The following MGRN1 variants were observed in gnomAD, a reference collection of about 807,000 sequenced individuals.
MGRN1 encodes mahogunin ring finger 1.
A neutral mutation model predicts 69.2 loss-of-function variants in MGRN1; 29 were observed. The ratio of observed to expected loss-of-function variants is 0.42; its 90% CI spans 0.31 to 0.57. The LOEUF (loss-of-function observed/expected upper bound fraction) is 0.57. Among genes scored for constraint, MGRN1 ranks in the 20% least tolerant of loss-of-function variants. The pLI is 0.15. For synonymous variants in MGRN1, 470 were observed against 344.2 expected (o/e 1.37, Z -4.04); for missense variants, 998 against 796.2 (o/e 1.25, Z -3.05).
At chr16:4,676,670 G>C (rs2079059774) in intron 10 of MGRN1, among the ~76,000 whole-genome samples, 1 of 152,112 alleles carries the variant, frequency 6.6e-6, no homozygotes, top group Non-Finnish European at 1.5e-5. Context: ...TTGGTGGTTT[G>C]GTGGTTCGGT....
chr16:4,650,178 C>T (rs527336078), intron 1 of MGRN1, 187 bp from the exon 2 acceptor site: 26 of 505,544 alleles, frequency 5.1e-5, no homozygotes, highest in South Asian at 1.8e-4. Flanking sequence ...TGGTGGGTGC[C>T]GGTAATCCCA....
At chr16:4,664,346 G>C in intron 5 of MGRN1, 1 of 312,730 alleles carries the variant, frequency 3.2e-6, no homozygotes, top group Non-Finnish European at 6.0e-6. Flanking sequence ...GGTGGCTGCC[G>C]GGGGCTGGAG....
At chr16:4,642,094 T>G (rs1331778938) in intron 1 of MGRN1, among the ~76,000 whole-genome samples, 1 of 151,282 alleles carries the variant, frequency 6.6e-6, no homozygotes, top group African/African-American at 2.4e-5. Flanking sequence ...CCCTGCACTG[T>G]CATGCATTTC....
At chr16:4,626,989 C>T (rs1014075316) in intron 1 of MGRN1, among the ~76,000 whole-genome samples, 8 of 152,140 alleles carry the variant, frequency 5.3e-5, no homozygotes, top group Non-Finnish European at 1.5e-5. Context: ...GATACTTGTT[C>T]TTCTCTTTGT....
intron 1 of MGRN1, among the ~76,000 whole-genome samples, chr16:4,645,835 C>T (rs2078263151): frequency 6.6e-6 from 1 of 152,044 alleles, no homozygotes; most frequent in African/African-American, 2.4e-5. Flanking sequence ...GGCAGTGGGT[C>T]CAGAAACAAC....
intron 1 of MGRN1, among the ~76,000 whole-genome samples, chr16:4,642,732 GCT>G (rs2078188889): frequency 6.6e-6 from 1 of 151,930 alleles, no homozygotes; most frequent in Non-Finnish European, 1.5e-5. Context: ...CTCCCAAAGT[GCT>G]GGGATTACAG....
intron 12 of MGRN1, among the ~76,000 whole-genome samples, chr16:4,680,879 C>T (rs972003332): frequency 6.6e-6 from 1 of 152,258 alleles, no homozygotes; most frequent in Non-Finnish European, 1.5e-5. Flanking sequence ...CTCGGTCAGG[C>T]AGGCCGGGGT....
chr16:4,637,388 C>T (rs962483898), intron 1 of MGRN1, among the ~76,000 whole-genome samples: 6 of 152,016 alleles, frequency 3.9e-5, no homozygotes, highest in Non-Finnish European at 8.8e-5. Context: ...CAAGATCGCG[C>T]CATTGCACTC....
intron 5 of MGRN1, among the ~76,000 whole-genome samples, chr16:4,662,388 C>T (rs546130093): frequency 6.6e-5 from 10 of 151,938 alleles, no homozygotes; most frequent in Admixed American, 2.0e-4. Flanking sequence ...TGGTGGCGGG[C>T]GCCTATAATC....
intron 1 of MGRN1, among the ~76,000 whole-genome samples, chr16:4,643,403 A>ATTTT (rs34438924): frequency 5.5e-5 from 6 of 109,814 alleles, no homozygotes; most frequent in Admixed American, 1.0e-4. Context: ...GCCTTGCTTG[A>ATTTT]TTTTTTTTTT....
At chr16:4,678,373 A>AGAGAGGTGGAGAGACACAGG (rs1232068071) in intron 11 of MGRN1, among the ~76,000 whole-genome samples, 2 of 152,228 alleles carry the variant, frequency 1.3e-5, no homozygotes, top group Non-Finnish European at 2.9e-5. Flanking sequence ...ACAGGGCGAG[A>AGAGAGGTGGAGAGACACAGG]GAGAGGTGGA....
chr16:4,657,138 C>G (rs2078562587), intron 4 of MGRN1, 108 bp from the exon 5 acceptor site: 1 of 1,056,494 alleles, frequency 9.5e-7, no homozygotes, highest in Non-Finnish European at 1.4e-6. Context: ...AGAGAGGGTC[C>G]CCAAAAGACA....
At chr16:4,686,773 G>A (rs140099581) in intron 16 of MGRN1, 3 of 993,302 alleles carry the variant, frequency 3.0e-6, no homozygotes, top group East Asian at 1.1e-4. Context: ...CCATGAGTTC[G>A]CATCGGTCCT....
At chr16:4,676,064 C>T (rs1047153451) in intron 10 of MGRN1, among the ~76,000 whole-genome samples, 1 of 152,242 alleles carries the variant, frequency 6.6e-6, no homozygotes, top group Non-Finnish European at 1.5e-5. Flanking sequence ...GGCCAGCAGA[C>T]CTCCAAGCCG....
rs774208460 is a variant in MGRN1, at chr16:4,657,452, T to G, written c.561+89T>G. ...GGCCAGCACAGTGGGGTCTGTGTGTTTGGCTTCCTCCAGGGTTCATAAGAC... is the reference window on the plus strand; with the variant it reads ...GGCCAGCACAGTGGGGTCTGTGTGTGTGGCTTCCTCCAGGGTTCATAAGAC... On this transcript the variant is annotated intron_variant, in intron 5 of 16. Transcript: ENST00000262370. 3.9e-6 allele frequency: 5 copies of G among 1,292,172 alleles called. No individual in the cohort carries two copies. In the Admixed American group the frequency reaches 6.8e-5, roughly 18 times the overall value. The allele number at this position is 1,292,172 out of a possible 1,614,324, so 80.0% of individuals were successfully genotyped here. A position where few individuals can be genotyped will look rare whatever the true frequency, so the allele number is the denominator to read the frequency against.
At chr16:4,627,592 C>T (rs566409781) in intron 1 of MGRN1, among the ~76,000 whole-genome samples, 1 of 151,694 alleles carries the variant, frequency 6.6e-6, no homozygotes. Flanking sequence ...TGGAGACCAT[C>T]CTGGCTAACA....
At chr16:4,688,532 C>A in intron 16 of MGRN1, 1 of 1,251,264 alleles carries the variant, frequency 8.0e-7, no homozygotes. Context: ...CCGTGTCGCG[C>A]TCTGACTCGG....
intron 7 of MGRN1, among the ~76,000 whole-genome samples, chr16:4,667,593 G>C (rs755678099): frequency 6.6e-6 from 1 of 152,206 alleles, no homozygotes; most frequent in African/African-American, 2.4e-5. Flanking sequence ...CAACATTCTG[G>C]AAATTTCTGT....
At chr16:4,655,365 C>A (rs1283337360) in intron 4 of MGRN1, among the ~76,000 whole-genome samples, 1 of 152,228 alleles carries the variant, frequency 6.6e-6, no homozygotes, top group Non-Finnish European at 1.5e-5. Context: ...TGGTGTCACC[C>A]TCTCCTAGAC....
Sources: allele counts gnomAD v4.1 joint callset (sites outside exome capture counted in the v4.1 genomes callset), GRCh38; gene constraint gnomAD v4.1.1; transcripts MANE v1.5; gene names NCBI Gene and HGNC (gene_info 2026-07-23, HGNC 2026-07-21).